STK26: variants seen among roughly 807,000 people sequenced by gnomAD.
STK26 encodes the protein serine/threonine kinase 26.
STK26 carries 14 observed loss-of-function variants against 34.7 expected under a neutral mutation model. The observed-to-expected ratio is 0.40, with a 90% CI of 0.27 to 0.63. The LOEUF is 0.63. Among genes scored for constraint, STK26 ranks in the 30% least tolerant of loss-of-function variants. The probability of loss-of-function intolerance (pLI) is 0.38; values close to 1 mark genes in which losing one functional copy is unlikely to be tolerated. For synonymous variants in STK26, 100 were observed against 109.8 expected, an observed-to-expected ratio of 0.91 and a Z score of 0.56; for missense variants, 226 against 309.1, an observed-to-expected ratio of 0.73 and a Z score of 2.02.
intron 4 of STK26, among the ~76,000 whole-genome samples, chrX:132,065,863 C>A (rs1030263253): frequency 2.7e-5 from 3 of 111,920 alleles, no homozygotes; most frequent in African/African-American, 3.2e-5. Context: ...TTATAAAACT[C>A]ATTTAACTAG....
intron 2 of STK26, among the ~76,000 whole-genome samples, chrX:132,025,291 G>A (rs1051072330): frequency 8.9e-6 from 1 of 112,011 alleles, no homozygotes; most frequent in Middle Eastern, 4.6e-3. Context: ...GCGAGCCTGC[G>A]TGTGTGCGTC....
At position 132,037,769 on chromosome X, in the gene STK26, C is replaced by CTTTTTTTTTT. The variant is rs755403402; in HGVS notation, c.42+14124_42+14133dup. Among the ~76,000 whole-genome samples the CTTTTTTTTTT allele has an allele frequency of 1.1e-3, 59 of 51,843 alleles. 1 individual carries two copies. Among genetic ancestry groups the CTTTTTTTTTT allele is most frequent in the African/African-American group, 3.5e-3 (40 of 11,361 alleles). The allele number at this position is 51,843 out of a possible 115,157, so 45.0% of individuals were successfully genotyped here. A position where few individuals can be genotyped will look rare whatever the true frequency, so the allele number is the denominator to read the frequency against. On this transcript the variant is annotated intron_variant, in intron 2 of 11. Coordinates refer to ENST00000394334, the MANE Select transcript of STK26 (RefSeq NM_016542.4). Reference sequence around the variant, plus strand: ...ACAAAGTCTTGTAACCGGAGAGCTGCTTTTTTTTTTTTTTTTTTTTTTTAA... The same window carrying CTTTTTTTTTT: ...ACAAAGTCTTGTAACCGGAGAGCTGCTTTTTTTTTTTTTTTTTTTTTTTTTTTTTTTTTAA...
chrX:132,070,330 C>T (rs986948241), intron 7 of STK26, among the ~76,000 whole-genome samples: 10 of 111,730 alleles, frequency 9.0e-5, no homozygotes, highest in South Asian at 3.7e-4. Context: ...CTGTGCCTGG[C>T]CAGGTTTAAC....
At chrX:132,047,653 A>G (rs771026802) in intron 2 of STK26, among the ~76,000 whole-genome samples, 1 of 111,792 alleles carries the variant, frequency 8.9e-6, no homozygotes, top group East Asian at 2.8e-4. Flanking sequence ...ACATGGAAAA[A>G]AAAATAGTCT....
Position 132,074,136 on chromosome X carries a change from T to A in STK26, c.1228T>A (p.Cys410Ser). The A allele has an allele frequency of 1.7e-6, 2 of 1,205,052 alleles. No homozygotes were observed. Among genetic ancestry groups the A allele is most frequent in the Non-Finnish European group, 2.2e-6 (2 of 891,498 alleles). The change falls in exon 12 of 12, where the codon TGT (cysteine) becomes AGT (serine). Residue 410 changes from cysteine to serine, a missense_variant and splice_region_variant. Around this residue, in one of 2 missense-constraint regions of STK26, gnomAD observed 126 missense variants for 132.4 expected, o/e 0.95. Transcript: ENST00000394334. ...TTAAATTTTTTAAAAATTTTATAGGTGTTCAGCAGACGAATCCCCCTAAGA... is the reference window on the plus strand; with the variant it reads ...TTAAATTTTTTAAAAATTTTATAGGAGTTCAGCAGACGAATCCCCCTAAGA... ...VKKLIEKFQK[C>S]SADESP
chrX:132,073,613 G>T (rs775314224), intron 11 of STK26, among the ~76,000 whole-genome samples: 1 of 111,798 alleles, frequency 8.9e-6, no homozygotes, highest in South Asian at 3.7e-4. Context: ...GATTTTGTTC[G>T]CATTCAAAAA....
At chrX:132,071,307 A>G (rs1173610526) in intron 8 of STK26, 90 bp downstream of exon 8, 1 of 1,003,915 alleles carries the variant, frequency 1.0e-6, no homozygotes, top group African/African-American at 1.9e-5. Context: ...GTTCTAGCAT[A>G]AAATATAAAC....
chrX:132,028,702 AGGG>A (rs1205856248), intron 2 of STK26, among the ~76,000 whole-genome samples: 1 of 111,151 alleles, frequency 9.0e-6, no homozygotes, highest in African/African-American at 3.3e-5. Context: ...AAGAAAAGTA[AGGG>A]TGGCTTTAAG....
intron 4 of STK26, among the ~76,000 whole-genome samples, chrX:132,067,314 A>AT (rs1393921007): frequency 4.5e-5 from 5 of 111,384 alleles, no homozygotes; most frequent in Admixed American, 9.6e-5. Flanking sequence ...GCAATGTTTG[A>AT]TTTTCACCAC....
chrX:132,036,294 T>G (rs2124138304), intron 2 of STK26, among the ~76,000 whole-genome samples: 1 of 112,585 alleles, frequency 8.9e-6, no homozygotes, highest in East Asian at 2.8e-4. Flanking sequence ...TGTGAAGAAA[T>G]ATTCTCTTAA....
chrX:132,042,686 T>C (rs1486911803), intron 2 of STK26, among the ~76,000 whole-genome samples: 2 of 111,646 alleles, frequency 1.8e-5, no homozygotes, highest in Non-Finnish European at 3.8e-5. Context: ...TTGATGATAT[T>C]TTTCACTTTG....
intron 2 of STK26, among the ~76,000 whole-genome samples, chrX:132,027,108 A>C (rs942841051): frequency 5.3e-5 from 6 of 112,182 alleles, no homozygotes; most frequent in Non-Finnish European, 1.1e-4. Flanking sequence ...GAAGTTTCTC[A>C]CTGGAAGTGT....
chrX:132,060,932 A>G (rs888203987), intron 3 of STK26, among the ~76,000 whole-genome samples: 1 of 111,596 alleles, frequency 9.0e-6, no homozygotes, highest in African/African-American at 3.3e-5. Context: ...GATTTCCAGA[A>G]CAAATAAGGA....
chrX:132,048,896 A>C (rs1203256101), intron 2 of STK26, among the ~76,000 whole-genome samples: 1 of 112,509 alleles, frequency 8.9e-6, no homozygotes, highest in African/African-American at 3.2e-5. Context: ...CACTTAAAAA[A>C]GATAGTGTCC....
chrX:132,054,566 T>G, intron 2 of STK26, 65 bp from the exon 3 acceptor site: 1 of 999,481 alleles, frequency 1.0e-6, no homozygotes, highest in Non-Finnish European at 1.4e-6. Flanking sequence ...TTATTTTCCT[T>G]CATTAAAAAA....
chrX:132,061,451 C>G (rs1248008080), intron 3 of STK26, among the ~76,000 whole-genome samples: 1 of 111,826 alleles, frequency 8.9e-6, no homozygotes, highest in Non-Finnish European at 1.9e-5. Flanking sequence ...TTTATTTCCT[C>G]TATTTCCTAA....
intron 3 of STK26, among the ~76,000 whole-genome samples, chrX:132,056,963 A>G (rs1371589363): frequency 8.9e-6 from 1 of 112,063 alleles, no homozygotes; most frequent in Admixed American, 9.4e-5. Flanking sequence ...AACACAGGCT[A>G]GCTTTCAGTG....
chrX:132,048,218 TATG>T (rs1248317123), intron 2 of STK26, among the ~76,000 whole-genome samples: 2 of 112,047 alleles, frequency 1.8e-5, no homozygotes, highest in Non-Finnish European at 3.8e-5. Flanking sequence ...TCTTATTGTA[TATG>T]ATAAATACAT....
At chrX:132,044,403 A>T (rs1289319701) in intron 2 of STK26, among the ~76,000 whole-genome samples, 1 of 110,346 alleles carries the variant, frequency 9.1e-6, no homozygotes, top group Admixed American at 9.7e-5. Context: ...TTAATTAAAG[A>T]TGCTGCGATT....
Sources: allele counts gnomAD v4.1 joint callset (sites outside exome capture counted in the v4.1 genomes callset), GRCh38; gene constraint gnomAD v4.1.1; regional missense constraint gnomAD v4.1.1; transcripts MANE v1.5; gene names NCBI Gene and HGNC (gene_info 2026-07-23, HGNC 2026-07-21).